The following MACROH2A1 variants were observed in gnomAD, a reference collection of about 807,000 sequenced individuals.
The protein encoded by MACROH2A1 is core histone macro-H2A.1.
MACROH2A1 carries 2 observed loss-of-function variants against 31.6 expected under a neutral mutation model. The ratio of observed to expected loss-of-function variants is 0.06; its 90% confidence interval spans 0.03 to 0.20. The LOEUF (loss-of-function observed/expected upper bound fraction) is 0.20, where lower values mean the gene tolerates loss of function less well. MACROH2A1 is among the 10% of genes least tolerant of loss of function. The pLI is 1.00. For synonymous variants in MACROH2A1, 169 were observed against 189.6 expected (o/e 0.89, Z 0.89); for missense variants, 230 against 474.0 (o/e 0.49, Z 4.78).
chr5:135,360,698 A>T lies in MACROH2A1; in HGVS notation c.478-91T>A. 3 of 879,090 alleles carry T rather than the reference A, an allele frequency of 3.4e-6. No individual in the cohort carries two copies. The Admixed American group carries it at 5.5e-5, about 16-fold the overall frequency. 54.5% of individuals were successfully genotyped at this position (879,090 alleles called of 1,614,324 possible). On this transcript the variant is annotated intron_variant, in intron 4 of 8. Coordinates refer to ENST00000511689, the MANE Select transcript of MACROH2A1 (RefSeq NM_138610.3). Reference sequence around the variant, plus strand: ...TCCCAAGCCTCACCCATAACACCCAAGGGGAAACAGGAAACTAAACCACAA... The same window carrying T: ...TCCCAAGCCTCACCCATAACACCCATGGGGAAACAGGAAACTAAACCACAA...
At position 135,352,949 on chromosome 5, in the gene MACROH2A1, G is replaced by C; in HGVS notation, c.685C>G (p.Leu229Val). 6.6e-7 allele frequency: 1 copy of C among 1,516,824 alleles called. No individual in the cohort carries two copies. The highest frequency in any genetic ancestry group is 9.2e-7 in the Non-Finnish European group (1 of 1,091,442). The allele number at this position is 1,516,824 out of a possible 1,614,324, so 94.0% of individuals were successfully genotyped here. A position where few individuals can be genotyped will look rare whatever the true frequency, so the allele number is the denominator to read the frequency against. The change falls in exon 6 of 9, where the codon CTA becomes GTA. Residue 229 changes from leucine (L) to valine (V), a missense_variant. Physicochemically the swap from Leu to Val is conservative, Grantham distance 32. Coordinates refer to ENST00000511689, the MANE Select transcript of MACROH2A1 (RefSeq NM_138610.3). ...TNADIDLKDD[L>V]GNTLEKKGGK... Reference sequence around the variant, plus strand: ...GCCGAACCCCGTCCCCAATTACCTAGGTCATCTTTAAGGTCAATGTCAGCA... The same window carrying C: ...GCCGAACCCCGTCCCCAATTACCTACGTCATCTTTAAGGTCAATGTCAGCA...
chr5:135,350,917 T>C (rs775729560), intron 6 of MACROH2A1: 29 of 1,592,220 alleles, frequency 1.8e-5, no homozygotes, highest in Non-Finnish European at 2.4e-5. Flanking sequence ...CTTGCAACTA[T>C]AACAGGTAAA....
chr5:135,372,045 G>A (rs1764239913), intron 2 of MACROH2A1, among the ~76,000 whole-genome samples: 1 of 152,174 alleles, frequency 6.6e-6, no homozygotes, highest in Non-Finnish European at 1.5e-5. Context: ...AGCTTTGGGG[G>A]CAGGGGCGGG....
intron 1 of MACROH2A1, among the ~76,000 whole-genome samples, chr5:135,390,115 C>T (rs140052934): frequency 5.1e-4 from 77 of 152,364 alleles, no homozygotes; most frequent in African/African-American, 1.6e-3. Context: ...AAGGTTCCCC[C>T]CAAATACCCT....
chr5:135,336,504 C>T (rs988891495), intron 8 of MACROH2A1, among the ~76,000 whole-genome samples: 10 of 116,152 alleles, frequency 8.6e-5, no homozygotes, highest in African/African-American at 1.8e-4. Context: ...CACACACAGG[C>T]GGCAGCTCCT....
At chr5:135,357,984 A>G in intron 5 of MACROH2A1, 1 of 985,358 alleles carries the variant, frequency 1.0e-6, no homozygotes, top group African/African-American at 1.7e-5. Flanking sequence ...TTTCAGTGTC[A>G]CAGATAGAAA....
At chr5:135,379,928 C>T (rs1196744598) in intron 2 of MACROH2A1, among the ~76,000 whole-genome samples, 2 of 152,148 alleles carry the variant, frequency 1.3e-5, no homozygotes, top group African/African-American at 4.8e-5. Context: ...ACATGAGGAT[C>T]AGCCCTTGCT....
intron 6 of MACROH2A1, 64 bp from the exon 7 acceptor site, chr5:135,346,121 C>A: frequency 1.1e-6 from 1 of 936,042 alleles, no homozygotes. Flanking sequence ...AGACACTTAG[C>A]ATGTCAGGTG....
chr5:135,360,317 C>T, intron 5 of MACROH2A1, 180 bp downstream of exon 5: 1 of 601,426 alleles, frequency 1.7e-6, no homozygotes, highest in Non-Finnish European at 3.0e-6. Flanking sequence ...CCTCCCTCAG[C>T]ATTGTGGCCT....
At chr5:135,347,452 T>A (rs1443444481) in intron 6 of MACROH2A1, 1 of 152,192 alleles carries the variant, frequency 6.6e-6, no homozygotes, top group Non-Finnish European at 1.5e-5. Flanking sequence ...TTAGCATCCT[T>A]GAGGTGGGAT....
intron 1 of MACROH2A1, among the ~76,000 whole-genome samples, chr5:135,390,613 C>A (rs1767092416): frequency 6.6e-6 from 1 of 152,170 alleles, no homozygotes; most frequent in African/African-American, 2.4e-5. Context: ...GCTCACTGAA[C>A]CAACTGGGCA....
In MACROH2A1 at chr5:135,352,509, T is replaced by C. The variant is rs1379694318; in HGVS notation, c.688+437A>G. The stretch of plus-strand genomic sequence containing the variant: ...AAATTGTGGACTAAAGACAGCTTAA[T>C]AGCATACTGATGTGGCCTGTCTTCT... On this transcript the variant is annotated intron_variant, in intron 6 of 8. Coordinates refer to ENST00000511689, the MANE Select transcript of MACROH2A1 (RefSeq NM_138610.3). Among the ~76,000 whole-genome samples, 4 of 152,282 alleles carry C rather than the reference T, an allele frequency of 2.6e-5. No homozygotes were observed. The South Asian group carries it at 8.3e-4, about 31-fold the overall frequency.
At chr5:135,338,180 A>G (rs1759124831) in intron 8 of MACROH2A1, among the ~76,000 whole-genome samples, 2 of 152,186 alleles carry the variant, frequency 1.3e-5, no homozygotes, top group Non-Finnish European at 2.9e-5. Flanking sequence ...CAGCTGAGGC[A>G]GGTCAGACCC....
At position 135,370,112 on chromosome 5, in the gene MACROH2A1, G is replaced by A. The variant is rs1280837614; in HGVS notation, c.203C>T (p.Ala68Val). 6.2e-7 allele frequency: 1 copy of A among 1,613,138 alleles called. No individual in the cohort carries two copies. Among genetic ancestry groups the A allele is most frequent in the Non-Finnish European group, 8.5e-7 (1 of 1,179,438 alleles). ...GACCCGTCCCTTCTTGTTGTCTCTC[G>A]CTGCATTGCCAGCCAGCTCCAGAAT... ...AEILELAGNAARDNKKGRVTP... is the reference protein window; with the variant it reads ...AEILELAGNAVRDNKKGRVTP... Residue 68 changes from alanine to valine, a missense_variant, in exon 3 of 9, where the codon GCG becomes GTG. By Grantham distance (64) the Ala-to-Val change is moderately conservative (BLOSUM62 0). Around this residue, in one of 2 missense-constraint regions of MACROH2A1, gnomAD observed 47 missense variants for 154.7 expected, o/e 0.30. Transcript: ENST00000511689.
Position 135,334,951 on chromosome 5 carries a change from G to A in MACROH2A1, c.*25C>T, listed in dbSNP as rs778303725. 2.5e-6 allele frequency: 4 copies of A among 1,601,606 alleles called. No individual in the cohort carries two copies. Among genetic ancestry groups the A allele is most frequent in the Middle Eastern group, 1.7e-4 (1 of 6,022 alleles). On this transcript the variant is annotated 3_prime_UTR_variant, in exon 9 of 9. Transcript: ENST00000511689. ...TTAAACTGAAGGTGGGGTACATGGT[G>A]CAGCTGGTTCTGTCATTGCTCAGCC...
At chr5:135,379,392 C>A (rs576344346) in intron 2 of MACROH2A1, among the ~76,000 whole-genome samples, 1 of 152,104 alleles carries the variant, frequency 6.6e-6, no homozygotes, top group African/African-American at 2.4e-5. Flanking sequence ...GGGAGGGATC[C>A]AGGGTCAGAG....
intron 7 of MACROH2A1, chr5:135,344,231 C>T (rs1372954894): frequency 6.6e-6 from 1 of 152,280 alleles, no homozygotes; most frequent in Non-Finnish European, 1.5e-5. Flanking sequence ...AACCCCTGTC[C>T]ACAGATGCTC....
intron 1 of MACROH2A1, among the ~76,000 whole-genome samples, chr5:135,395,848 A>C (rs188520484): frequency 1.3e-5 from 2 of 152,280 alleles, no homozygotes; most frequent in African/African-American, 4.8e-5. Context: ...CCTACAGTCC[A>C]CTCTCAGTGA....
At position 135,338,452 on chromosome 5, in the gene MACROH2A1, C is replaced by T. The variant is rs187121805; in HGVS notation, c.954-3311G>A. ...TGGCTTTGAAGGGTCTTTTAAAAGG[C>T]TCATGCAGTAGAAAACTGCCCCTTC... is the stretch of plus-strand genomic sequence containing the variant. On this transcript the variant is annotated intron_variant, in intron 8 of 8. Coordinates refer to ENST00000511689, the MANE Select transcript of MACROH2A1 (RefSeq NM_138610.3). 3.4e-3 allele frequency among the ~76,000 whole-genome samples: 517 copies of T among 152,340 alleles called. 7 individuals carry two copies. Among genetic ancestry groups the T allele is most frequent in the Non-Finnish European group, 9.8e-4 (67 of 68,026 alleles).
Sources: gnomAD v4.1 joint callset for allele counts (sites outside exome capture counted in the v4.1 genomes callset) on GRCh38, gnomAD v4.1.1 for gene constraint, gnomAD v4.1.1 regional missense constraint, MANE v1.5 for transcripts, NCBI Gene and HGNC (gene_info 2026-07-23, HGNC 2026-07-21) for gene names.